Variants in CADPS2 observed in about 807,000 individuals in gnomAD.
CADPS2 encodes the protein calcium dependent secretion activator 2, also known as calcium-dependent secretion activator 2.
Under a neutral mutation model 172.5 loss-of-function variants are expected in CADPS2, and 93 were observed. The ratio of observed to expected loss-of-function variants is 0.54; its 90% CI spans 0.46 to 0.64. The LOEUF (loss-of-function observed/expected upper bound fraction) is 0.64. Ranked by LOEUF, CADPS2 falls within the 30% of genes least tolerant of loss-of-function variation. CADPS2 has a pLI of 0.00. For synonymous variants in CADPS2, 546 were observed against 555.2 expected, an observed-to-expected ratio of 0.98 and a Z score of 0.23; for missense variants, 1,420 against 1,565.9, an observed-to-expected ratio of 0.91 and a Z score of 1.57.
At chr7:122,762,662 A>G (rs1022642196) in intron 1 of CADPS2, among the ~76,000 whole-genome samples, 3 of 152,188 alleles carry the variant, frequency 2.0e-5, no homozygotes, top group Non-Finnish European at 2.9e-5. Flanking sequence ...AGAGGATAAT[A>G]AAGTCATAAA....
intron 28 of CADPS2, among the ~76,000 whole-genome samples, chr7:122,335,335 C>T (rs2035682821): frequency 6.6e-6 from 1 of 152,098 alleles, no homozygotes; most frequent in African/African-American, 2.4e-5. Flanking sequence ...CTGCAACCTC[C>T]ACCTCCCGGG....
intron 1 of CADPS2, among the ~76,000 whole-genome samples, chr7:122,760,758 A>T (rs2093351300): frequency 6.9e-6 from 1 of 144,932 alleles, no homozygotes. Context: ...TGGGAATTGA[A>T]CAATGAGAAT....
intron 8 of CADPS2, among the ~76,000 whole-genome samples, chr7:122,534,767 T>G (rs1026770896): frequency 6.6e-6 from 1 of 152,168 alleles, no homozygotes; most frequent in Admixed American, 6.6e-5. Flanking sequence ...AAGTGCATTT[T>G]TAATTCCTTT....
intron 3 of CADPS2, among the ~76,000 whole-genome samples, chr7:122,659,264 A>G (rs543184314): frequency 5.3e-5 from 8 of 150,100 alleles, no homozygotes; most frequent in Non-Finnish European, 8.9e-5. Context: ...GCATAATAAA[A>G]GCAGGAGACG....
At chr7:122,615,079 G>C (rs756456414) in intron 6 of CADPS2, 102 bp downstream of exon 6, 2 of 568,092 alleles carry the variant, frequency 3.5e-6, no homozygotes, top group Non-Finnish European at 5.9e-6. Flanking sequence ...AGCAGTTTTA[G>C]AGGGTAATAC....
At chr7:122,828,119 G>T (rs1805482006) in intron 1 of CADPS2, among the ~76,000 whole-genome samples, 1 of 152,094 alleles carries the variant, frequency 6.6e-6, no homozygotes, top group African/African-American at 2.4e-5. Context: ...GGATCATCAT[G>T]TCTCTGTGGT....
chr7:122,801,444 T>C (rs939203215), intron 1 of CADPS2, among the ~76,000 whole-genome samples: 5 of 152,214 alleles, frequency 3.3e-5, no homozygotes, highest in African/African-American at 1.2e-4. Flanking sequence ...AAGTAATTCA[T>C]CACTTTGCTA....
intron 17 of CADPS2, among the ~76,000 whole-genome samples, chr7:122,431,927 G>A (rs928501361): frequency 2.1e-5 from 3 of 143,484 alleles, no homozygotes; most frequent in African/African-American, 7.6e-5. Flanking sequence ...TCGGGGGCGG[G>A]GGTGGGGGTG....
intron 14 of CADPS2, among the ~76,000 whole-genome samples, chr7:122,464,357 A>G (rs1399607183): frequency 6.6e-6 from 1 of 152,224 alleles, no homozygotes; most frequent in Admixed American, 6.5e-5. Context: ...CTATACGGAT[A>G]TAAACAAATG....
chr7:122,709,607 C>T (rs868307780), intron 2 of CADPS2, among the ~76,000 whole-genome samples: 13 of 151,686 alleles, frequency 8.6e-5, no homozygotes, highest in South Asian at 2.1e-4. Flanking sequence ...CACATGCACA[C>T]GTATGTTTAT....
chr7:122,875,489 A>G (rs996416136), intron 1 of CADPS2, among the ~76,000 whole-genome samples: 2 of 152,186 alleles, frequency 1.3e-5, no homozygotes, highest in African/African-American at 2.4e-5. Flanking sequence ...AGGAATGATT[A>G]CTATAATAAT....
At chr7:122,362,992 G>A (rs1050295396) in intron 25 of CADPS2, among the ~76,000 whole-genome samples, 6 of 152,110 alleles carry the variant, frequency 3.9e-5, no homozygotes, top group African/African-American at 1.2e-4. Flanking sequence ...TGAGAATAAC[G>A]TATGCTTGGG....
chr7:122,618,725 C>G (rs2075251751), intron 5 of CADPS2, among the ~76,000 whole-genome samples: 1 of 152,172 alleles, frequency 6.6e-6, no homozygotes, highest in Admixed American at 6.5e-5. Context: ...AGGAGCAAGG[C>G]TTGCTGAAAG....
chr7:122,645,195 C>T (rs2078170767), intron 3 of CADPS2, among the ~76,000 whole-genome samples: 1 of 145,330 alleles, frequency 6.9e-6, no homozygotes, highest in Non-Finnish European at 1.5e-5. Flanking sequence ...TATATATACA[C>T]ATATATGTAT....
chr7:122,469,018 C>T (rs1289639219), intron 14 of CADPS2, among the ~76,000 whole-genome samples: 1 of 152,148 alleles, frequency 6.6e-6, no homozygotes, highest in Non-Finnish European at 1.5e-5. Context: ...AAGTGGATTT[C>T]ACATGCAATA....
chr7:122,702,424 G>T, intron 2 of CADPS2: 1 of 1,613,730 alleles, frequency 6.2e-7, no homozygotes, highest in South Asian at 1.1e-5. Context: ...TAAAAGTACA[G>T]CCTCCACGTT....
chr7:122,374,909 C>T (rs1317188422), intron 25 of CADPS2, among the ~76,000 whole-genome samples: 4 of 152,048 alleles, frequency 2.6e-5, no homozygotes, highest in Non-Finnish European at 5.9e-5. Flanking sequence ...ACTAACAATG[C>T]ACTATTTGGA....
intron 7 of CADPS2, among the ~76,000 whole-genome samples, chr7:122,567,894 A>G (rs1046912617): frequency 1.2e-4 from 18 of 152,182 alleles, no homozygotes; most frequent in Admixed American, 1.3e-4. Context: ...ATAACAGAAG[A>G]GAAAGAAAAA....
chr7:122,655,945 G>A (rs531516058), intron 3 of CADPS2, among the ~76,000 whole-genome samples: 430 of 152,240 alleles, frequency 2.8e-3, no homozygotes, highest in Non-Finnish European at 3.5e-3. Context: ...AGAATAAAAA[G>A]TTGGGCAAGC....
Sources: gnomAD v4.1 joint callset for allele counts (sites outside exome capture counted in the v4.1 genomes callset) on GRCh38, gnomAD v4.1.1 for gene constraint, MANE v1.5 for transcripts, NCBI Gene and HGNC (gene_info 2026-07-23, HGNC 2026-07-21) for gene names.